JPH3: variants seen among roughly 807,000 people sequenced by gnomAD.
JPH3 encodes the protein junctophilin 3.
Under a neutral mutation model 59.6 loss-of-function variants are expected in JPH3, and 11 were observed. The observed-to-expected ratio is 0.18, with a 90% CI of 0.12 to 0.31. The LOEUF (loss-of-function observed/expected upper bound fraction) is 0.31, where lower values mean the gene tolerates loss of function less well. Among genes scored for constraint, JPH3 ranks in the 10% least tolerant of loss-of-function variants. JPH3 has a pLI of 1.00. For missense variants in JPH3, 1,202 were observed against 1,105.7 expected (o/e 1.09, Z -1.24); for synonymous variants, 673 against 483.6 (o/e 1.39, Z -5.14).
chr16:87,612,881 G>A (rs1400340528), intron 1 of JPH3, among the ~76,000 whole-genome samples: 1 of 151,550 alleles, frequency 6.6e-6, no homozygotes, highest in Non-Finnish European at 1.5e-5. Flanking sequence ...TATTAGCTGG[G>A]CTTGGTGGCG....
chr16:87,661,454 T>G (rs2032700241), intron 2 of JPH3, among the ~76,000 whole-genome samples: 1 of 152,228 alleles, frequency 6.6e-6, no homozygotes, highest in Middle Eastern at 3.2e-3. Context: ...AGCAGTGGAC[T>G]CTCTTTAGGG....
chr16:87,652,815 G>A (rs535089370), intron 2 of JPH3, among the ~76,000 whole-genome samples: 11 of 152,218 alleles, frequency 7.2e-5, no homozygotes, highest in African/African-American at 9.7e-5. Context: ...TGATTTTTCC[G>A]TGTGAATGCA....
At position 87,638,604 on chromosome 16, in the gene JPH3, G is replaced by A. The variant is rs1043982465; in HGVS notation, c.383-5654G>A. Among the ~76,000 whole-genome samples, 3 of 152,130 alleles carry A rather than the reference G, an allele frequency of 2.0e-5. No homozygotes were observed. In the South Asian group the frequency reaches 6.2e-4, roughly 32 times the overall value. On this transcript the variant is annotated intron_variant, in intron 1 of 4. Coordinates refer to ENST00000284262, the MANE Select transcript of JPH3 (RefSeq NM_020655.4). ...ACAGGGGCAGGGCTGAGGTGGGTCG[G>A]CTTGGTTCATGGCAGGGCTTGGGGA...
intron 1 of JPH3, among the ~76,000 whole-genome samples, chr16:87,623,593 T>A (rs2031267142): frequency 6.6e-6 from 1 of 152,206 alleles, no homozygotes; most frequent in Non-Finnish European, 1.5e-5. Flanking sequence ...AAACAACCTC[T>A]ATTTCCTTCT....
chr16:87,685,844 C>T (rs2033404566), intron 3 of JPH3, among the ~76,000 whole-genome samples: 1 of 152,176 alleles, frequency 6.6e-6, no homozygotes, highest in Non-Finnish European at 1.5e-5. Flanking sequence ...TTGAAGCCTC[C>T]ATCCTGTGCC....
chr16:87,670,253 T>A (rs879464796), intron 2 of JPH3, among the ~76,000 whole-genome samples: 5 of 152,164 alleles, frequency 3.3e-5, no homozygotes, highest in Admixed American at 2.0e-4. Context: ...ATTGCTGGAA[T>A]GTGTCAGAAT....
chr16:87,650,160 C>T (rs997241747), intron 2 of JPH3, among the ~76,000 whole-genome samples: 61 of 152,308 alleles, frequency 4.0e-4, no homozygotes, highest in Middle Eastern at 3.4e-3. Context: ...CCCAACAGCA[C>T]GTGCTCACAT....
intron 2 of JPH3, among the ~76,000 whole-genome samples, chr16:87,667,970 A>G (rs1597277678): frequency 6.6e-6 from 1 of 151,782 alleles, no homozygotes; most frequent in African/African-American, 2.4e-5. Flanking sequence ...CCACCTGCAA[A>G]TCCTGAGCGC....
intron 2 of JPH3, among the ~76,000 whole-genome samples, chr16:87,650,094 T>C (rs1346686663): frequency 6.6e-6 from 1 of 152,214 alleles, no homozygotes; most frequent in East Asian, 1.9e-4. Flanking sequence ...GCTGTGTTTT[T>C]ACACATTGGA....
intron 1 of JPH3, chr16:87,604,101 G>C: frequency 7.6e-7 from 1 of 1,310,670 alleles, no homozygotes; most frequent in Non-Finnish European, 9.8e-7. Context: ...GGTTGGACGC[G>C]GACTAGCGCT....
At chr16:87,655,768 C>T (rs189899180) in intron 2 of JPH3, among the ~76,000 whole-genome samples, 22 of 152,380 alleles carry the variant, frequency 1.4e-4, no homozygotes, top group Middle Eastern at 3.4e-3. Context: ...CTCGGCCCCC[C>T]GTGTGGGGAA....
chr16:87,633,058 A>G (rs2031615451), intron 1 of JPH3, among the ~76,000 whole-genome samples: 2 of 152,162 alleles, frequency 1.3e-5, no homozygotes, highest in Non-Finnish European at 2.9e-5. Flanking sequence ...TTATTTATAT[A>G]GTTAATCACC....
At position 87,697,671 on chromosome 16, in the gene JPH3, C is replaced by T. The variant is rs925513441; in HGVS notation, c.*1011C>T. 2.2e-4 allele frequency: 33 copies of T among 152,276 alleles called. No individual in the cohort carries two copies. Among genetic ancestry groups the T allele is most frequent in the African/African-American group, 8.0e-4 (33 of 41,438 alleles). 9.4% of individuals were successfully genotyped at this position (152,276 alleles called of 1,614,324 possible). On this transcript the variant is annotated 3_prime_UTR_variant, in exon 5 of 5. Transcript: ENST00000284262. ...CAGATATGCATATTCCTTCCAGATG[C>T]CTCAGTGCTACACCACAGTGGGCCT...
At position 87,689,897 on chromosome 16, in the gene JPH3, G is replaced by C. The variant is rs920244359; in HGVS notation, c.1537G>C (p.Gly513Arg). The change falls in exon 4 of 5, where the codon GGG (glycine) becomes CGG (arginine). Residue 513 changes from glycine to arginine, a missense_variant. Physicochemically the swap from Gly to Arg is moderately radical, Grantham distance 125. Transcript: ENST00000284262. ...RQVSVDEERG[G>R]DIQMLLEGRA... The stretch of plus-strand genomic sequence containing the variant: ...GGTGTCGGTGGACGAGGAGCGGGGC[G>C]GGGACATCCAGATGCTCCTGGAGGG... 1 of 1,469,934 alleles carries C rather than the reference G, an allele frequency of 6.8e-7. No homozygotes were observed. The highest frequency in any genetic ancestry group is 1.4e-5 in the African/African-American group (1 of 70,882). The allele number at this position is 1,469,934 out of a possible 1,614,324, so 91.1% of individuals were successfully genotyped here. A position where few individuals can be genotyped will look rare whatever the true frequency, so the allele number is the denominator to read the frequency against.
intron 1 of JPH3, among the ~76,000 whole-genome samples, chr16:87,612,568 G>A (rs747989558): frequency 1.3e-5 from 2 of 152,240 alleles, no homozygotes; most frequent in East Asian, 1.9e-4. Context: ...GACCCATGCC[G>A]GGGTCCATCC....
chr16:87,648,120 G>A (rs2032212956), intron 2 of JPH3, among the ~76,000 whole-genome samples: 1 of 152,204 alleles, frequency 6.6e-6, no homozygotes, highest in Non-Finnish European at 1.5e-5. Context: ...GAGCTCACTG[G>A]TGCGACCCTT....
chr16:87,613,381 C>T (rs577678047), intron 1 of JPH3, among the ~76,000 whole-genome samples: 23 of 151,976 alleles, frequency 1.5e-4, no homozygotes, highest in African/African-American at 4.8e-4. Flanking sequence ...TTACAGGTAG[C>T]GTGAACTCAG....
At chr16:87,671,604 C>T (rs925730994) in intron 2 of JPH3, among the ~76,000 whole-genome samples, 14 of 64,914 alleles carry the variant, frequency 2.2e-4, no homozygotes, top group African/African-American at 6.3e-4. Context: ...CCGCCTGCAC[C>T]GGCTCAGTTC....
At chr16:87,633,884 A>T (rs1456810060) in intron 1 of JPH3, among the ~76,000 whole-genome samples, 1 of 149,582 alleles carries the variant, frequency 6.7e-6, no homozygotes, top group African/African-American at 2.6e-5. Context: ...ATTTCTGAAA[A>T]ACCATAACCC....
Sources: gnomAD v4.1 joint callset for allele counts (sites outside exome capture counted in the v4.1 genomes callset) on GRCh38, gnomAD v4.1.1 for gene constraint, MANE v1.5 for transcripts, NCBI Gene and HGNC (gene_info 2026-07-23, HGNC 2026-07-21) for gene names.